Variants in TMEM156 observed in about 807,000 individuals in gnomAD.
The protein encoded by TMEM156 is transmembrane protein 156.
Under a neutral mutation model 30.5 loss-of-function variants are expected in TMEM156, and 28 were observed. The observed-to-expected ratio is 0.92, with a 90% CI of 0.68 to 1.26. The LOEUF is 1.26. Ranked by LOEUF, TMEM156 falls within the 50% of genes most tolerant of loss-of-function variation. The probability of loss-of-function intolerance (pLI) is 0.00; values close to 1 mark genes in which losing one functional copy is unlikely to be tolerated. For missense variants in TMEM156, 351 were observed against 340.6 expected, an observed-to-expected ratio of 1.03 and a Z score of -0.24; for synonymous variants, 137 against 119.9, an observed-to-expected ratio of 1.14 and a Z score of -0.93.
At chr4:39,003,031 A>G (rs992716756) in intron 1 of TMEM156, among the ~76,000 whole-genome samples, 5 of 152,176 alleles carry the variant, frequency 3.3e-5, no homozygotes. Flanking sequence ...CTTAAAGTAT[A>G]ATAATAAAAA....
intron 1 of TMEM156, among the ~76,000 whole-genome samples, chr4:39,031,882 AAAAAAAAATAAAAAATAAAAAAAT>A (rs1715526787): frequency 1.1e-5 from 1 of 93,044 alleles, no homozygotes; most frequent in Non-Finnish European, 2.2e-5. Flanking sequence ...CCATCTCAAA[AAAAAAAAATAAAAAATAAAAAAAT>A]AAAAAAAAAC....
intron 4 of TMEM156, 64 bp from the exon 5 acceptor site, chr4:38,986,483 C>T: frequency 8.1e-7 from 1 of 1,234,690 alleles, no homozygotes; most frequent in South Asian, 1.2e-5. Flanking sequence ...CATATATTCC[C>T]CATGTTGGTT....
At chr4:38,979,380 C>G (rs1176712432) in intron 5 of TMEM156, among the ~76,000 whole-genome samples, 2 of 152,290 alleles carry the variant, frequency 1.3e-5, no homozygotes, top group South Asian at 2.1e-4. Flanking sequence ...GTGGCTTTCG[C>G]AAAGCTAGTG....
chr4:39,032,166 T>A, intron 1 of TMEM156, 60 bp downstream of exon 1: 1 of 1,045,938 alleles, frequency 9.6e-7, no homozygotes, highest in Non-Finnish European at 1.5e-6. Context: ...CTGTAACCAC[T>A]AGCTGACACT....
At chr4:39,022,226 AAACT>A (rs1469603428) in intron 1 of TMEM156, among the ~76,000 whole-genome samples, 1 of 152,210 alleles carries the variant, frequency 6.6e-6, no homozygotes, top group Non-Finnish European at 1.5e-5. Flanking sequence ...CTGTGTTTAT[AAACT>A]CTCAAAGGAC....
intron 5 of TMEM156, among the ~76,000 whole-genome samples, chr4:38,977,636 G>A (rs527647363): frequency 6.6e-6 from 1 of 152,334 alleles, no homozygotes; most frequent in Non-Finnish European, 1.5e-5. Context: ...AGTTAAGGCA[G>A]TAGAAACAGT....
intron 5 of TMEM156, among the ~76,000 whole-genome samples, chr4:38,980,144 G>A (rs1577513503): frequency 1.4e-5 from 2 of 146,108 alleles, no homozygotes; most frequent in East Asian, 2.0e-4. Context: ...AAAATAAAAT[G>A]AGGATGGAAA....
intron 1 of TMEM156, among the ~76,000 whole-genome samples, chr4:39,010,110 G>T (rs1560378745): frequency 6.6e-6 from 1 of 151,936 alleles, no homozygotes; most frequent in Non-Finnish European, 1.5e-5. Context: ...TTCAAGCTGA[G>T]AATCAAATGA....
intron 1 of TMEM156, among the ~76,000 whole-genome samples, chr4:39,015,444 G>A (rs949406652): frequency 1.3e-5 from 2 of 152,158 alleles, no homozygotes; most frequent in Non-Finnish European, 2.9e-5. Flanking sequence ...GGCCATTGCT[G>A]GCTTTGAAGA....
At chr4:38,994,695 C>A (rs1712798357) in intron 2 of TMEM156, among the ~76,000 whole-genome samples, 1 of 152,160 alleles carries the variant, frequency 6.6e-6, no homozygotes, top group South Asian at 2.1e-4. Flanking sequence ...TGCCTGTAAT[C>A]CTAGCCCTTT....
intron 5 of TMEM156, among the ~76,000 whole-genome samples, chr4:38,983,077 C>A (rs6825101): frequency 6.6e-6 from 1 of 152,124 alleles, no homozygotes; most frequent in Non-Finnish European, 1.5e-5. Flanking sequence ...ATAGGAGTGG[C>A]CCCAGCAGTT....
chr4:38,981,235 A>T (rs890488558), intron 5 of TMEM156, among the ~76,000 whole-genome samples: 5 of 152,206 alleles, frequency 3.3e-5, no homozygotes, highest in Non-Finnish European at 7.3e-5. Flanking sequence ...GGCCATAAAC[A>T]TGTTCCAAAT....
intron 1 of TMEM156, among the ~76,000 whole-genome samples, chr4:39,023,866 TA>T: frequency 6.6e-6 from 1 of 151,416 alleles, no homozygotes; most frequent in East Asian, 1.9e-4. Context: ...AAATAAAAAA[TA>T]AAAATAAAAA....
At chr4:39,026,508 A>T (rs1185096208) in intron 1 of TMEM156, among the ~76,000 whole-genome samples, 1 of 152,232 alleles carries the variant, frequency 6.6e-6, no homozygotes, top group African/African-American at 2.4e-5. Flanking sequence ...GTTCTGTCAA[A>T]GTGATGAAAA....
chr4:39,000,652 T>C (rs6852220), intron 1 of TMEM156, among the ~76,000 whole-genome samples: 41,638 of 152,040 alleles, frequency 0.27, 6,288 homozygotes, highest in East Asian at 0.46. Context: ...TTTGGGAGGC[T>C]GAGGCAGTTG....
intron 2 of TMEM156, among the ~76,000 whole-genome samples, chr4:38,995,852 T>C (rs548295534): frequency 6.6e-6 from 1 of 152,364 alleles, no homozygotes; most frequent in African/African-American, 2.4e-5. Flanking sequence ...CCTGTCTTGC[T>C]TTTCAGAACA....
At chr4:39,003,069 C>T (rs904306185) in intron 1 of TMEM156, among the ~76,000 whole-genome samples, 17 of 151,736 alleles carry the variant, frequency 1.1e-4, no homozygotes, top group Admixed American at 3.9e-4. Flanking sequence ...AAAATAATTA[C>T]CCCTACTCAT....
chr4:38,988,881 C>A lies in TMEM156; in HGVS notation c.709G>T (p.Glu237Ter). ...CACTTTTGCACTCTTCTCTGGCCTT[C>A]AAGTATTTTGCGGATAGTGAGGATG... Reference protein sequence around the residue: ...LIILTIRKILEGQRRVQKWQS... With the variant: ...LIILTIRKIL The change falls in exon 4 of 7, where the codon GAA becomes TAA. Residue 237 changes from glutamate to a stop codon, truncating the protein, a stop_gained. Transcript: ENST00000381938. LOFTEE classifies it high-confidence loss of function. The A allele has an allele frequency of 1.2e-6, 2 of 1,614,038 alleles. No homozygotes were observed. Among genetic ancestry groups the A allele is most frequent in the South Asian group, 1.1e-5 (1 of 91,084 alleles).
At chr4:39,014,629 T>C (rs2110032468) in intron 1 of TMEM156, among the ~76,000 whole-genome samples, 1 of 151,882 alleles carries the variant, frequency 6.6e-6, no homozygotes, top group South Asian at 2.1e-4. Context: ...CATGGTGGTG[T>C]GTACCTGTAA....
Sources: allele counts gnomAD v4.1 joint callset (sites outside exome capture counted in the v4.1 genomes callset), GRCh38; gene constraint gnomAD v4.1.1; transcripts MANE v1.5; gene names NCBI Gene and HGNC (gene_info 2026-07-23, HGNC 2026-07-21).